Variants in EIF4EBP1 observed in about 807,000 individuals in gnomAD.
EIF4EBP1 encodes eukaryotic translation initiation factor 4E binding protein 1, also known as eukaryotic translation initiation factor 4E-binding protein 1.
EIF4EBP1 carries 5 observed loss-of-function variants against 9.2 expected under a neutral mutation model. The ratio of observed to expected loss-of-function variants is 0.54; its 90% CI spans 0.28 to 1.14. The LOEUF (loss-of-function observed/expected upper bound fraction) is 1.14. Ranked by LOEUF, EIF4EBP1 falls within the 50% of genes most tolerant of loss-of-function variation. The pLI is 0.09. For missense variants in EIF4EBP1, 139 were observed against 169.6 expected, an observed-to-expected ratio of 0.82 and a Z score of 1.00; for synonymous variants, 62 against 67.0, an observed-to-expected ratio of 0.93 and a Z score of 0.36.
chr8:38,054,329 T>C (rs1003879210), intron 1 of EIF4EBP1, among the ~76,000 whole-genome samples: 3 of 152,196 alleles, frequency 2.0e-5, no homozygotes, highest in African/African-American at 7.2e-5. Context: ...CACATGCCTG[T>C]TGTCCCAGCT....
intron 2 of EIF4EBP1, 78 bp from the exon 3 acceptor site, chr8:38,059,826 T>C (rs1809647525): frequency 7.6e-7 from 1 of 1,308,354 alleles, no homozygotes; most frequent in Non-Finnish European, 1.1e-6. Flanking sequence ...GGTATTTCTT[T>C]ATAGCAATGA....
At chr8:38,058,272 T>C (rs1273641064) in intron 2 of EIF4EBP1, among the ~76,000 whole-genome samples, 1 of 152,210 alleles carries the variant, frequency 6.6e-6, no homozygotes, top group East Asian at 1.9e-4. Context: ...GGTGCCCGCA[T>C]CTGCTGGGCT....
intron 2 of EIF4EBP1, 142 bp from the exon 3 acceptor site, chr8:38,059,762 A>C (rs940803776): frequency 1.8e-5 from 15 of 849,334 alleles, no homozygotes; most frequent in Admixed American, 2.6e-5. Flanking sequence ...TCTCAAAAAA[A>C]AAAAACAAAA....
intron 1 of EIF4EBP1, among the ~76,000 whole-genome samples, chr8:38,038,401 A>G (rs1809332197): frequency 6.7e-6 from 1 of 149,054 alleles, no homozygotes; most frequent in African/African-American, 2.5e-5. Flanking sequence ...CCAGCTACTC[A>G]GGAGGCTGAG....
At position 38,030,582 on chromosome 8, in the gene EIF4EBP1, G is replaced by A. The variant is rs1421064637; in HGVS notation, c.9G>A (p.Gly3=). 9 of 1,515,710 alleles carry A rather than the reference G, an allele frequency of 5.9e-6. No individual in the cohort carries two copies. Among genetic ancestry groups the A allele is most frequent in the Non-Finnish European group, 7.9e-6 (9 of 1,138,434 alleles). 93.9% of individuals were successfully genotyped at this position (1,515,710 alleles called of 1,614,324 possible). A position where few individuals can be genotyped will look rare whatever the true frequency, so the allele number is the denominator to read the frequency against. The change falls in exon 1 of 3, where the codon GGG becomes GGA. Residue 3 remains glycine, a synonymous_variant. Coordinates refer to ENST00000338825, the MANE Select transcript of EIF4EBP1 (RefSeq NM_004095.4). The stretch of plus-strand genomic sequence containing the variant: ...GCAGCGCACAGGAGACCATGTCCGG[G>A]GGCAGCAGCTGCAGCCAGACCCCAA... MS[G]GSSCSQTPSR...
At chr8:38,038,248 C>G (rs1267980310) in intron 1 of EIF4EBP1, among the ~76,000 whole-genome samples, 1 of 151,734 alleles carries the variant, frequency 6.6e-6, no homozygotes, top group Non-Finnish European at 1.5e-5. Context: ...GTGGCTCATG[C>G]CTGTAATCCC....
At chr8:38,050,374 G>T (rs1181536615) in intron 1 of EIF4EBP1, among the ~76,000 whole-genome samples, 2 of 151,896 alleles carry the variant, frequency 1.3e-5, no homozygotes, top group Admixed American at 6.6e-5. Context: ...TTTGACACAG[G>T]GTTTCACTCT....
In EIF4EBP1 at chr8:38,057,258, G is replaced by A; in HGVS notation, c.323G>A (p.Gly108Asp). 6.2e-7 allele frequency: 1 copy of A among 1,606,532 alleles called. No homozygotes were observed. The highest frequency in any genetic ancestry group is 8.5e-7 in the Non-Finnish European group (1 of 1,175,418). Reference protein sequence around the residue: ...LRNSPEDKRAGGEESQFEMDI With the variant: ...LRNSPEDKRADGEESQFEMDI ...AATAGCCCAGAAGATAAGCGGGCGGGCGGTGAGTGTCGGGGCTTGGCCAGG... is the reference window on the plus strand; with the variant it reads ...AATAGCCCAGAAGATAAGCGGGCGGACGGTGAGTGTCGGGGCTTGGCCAGG... The change falls in exon 2 of 3, where the codon GGC becomes GAC. Residue 108 changes from glycine (G) to aspartate (D), a missense_variant and splice_region_variant. Physicochemically the swap from Gly to Asp is moderately conservative, Grantham distance 94. Transcript: ENST00000338825.
intron 1 of EIF4EBP1, among the ~76,000 whole-genome samples, chr8:38,041,242 C>CAGGCA (rs989127352): frequency 2.6e-5 from 4 of 152,182 alleles, no homozygotes; most frequent in African/African-American, 9.7e-5. Context: ...GCTGGGATTA[C>CAGGCA]AGGCACCTGC....
chr8:38,055,425 G>C (rs1809582393), intron 1 of EIF4EBP1, among the ~76,000 whole-genome samples: 2 of 152,218 alleles, frequency 1.3e-5, no homozygotes, highest in South Asian at 4.1e-4. Context: ...AGATTTCAAG[G>C]TTATTGCTAA....
At chr8:38,047,308 G>A (rs937476246) in intron 1 of EIF4EBP1, 1 of 152,150 alleles carries the variant, frequency 6.6e-6, no homozygotes, top group African/African-American at 2.4e-5. Flanking sequence ...CTAGTACAAA[G>A]TAGAGGTTCA....
chr8:38,045,722 ATAAT>A (rs1314036401), intron 1 of EIF4EBP1, among the ~76,000 whole-genome samples: 1 of 152,032 alleles, frequency 6.6e-6, no homozygotes, highest in Non-Finnish European at 1.5e-5. Context: ...AATAATAATG[ATAAT>A]TAATTAATAG....
At chr8:38,041,047 G>A (rs954955143) in intron 1 of EIF4EBP1, among the ~76,000 whole-genome samples, 1 of 152,108 alleles carries the variant, frequency 6.6e-6, no homozygotes, top group South Asian at 2.1e-4. Context: ...TGATCCGCCC[G>A]CCTCGGCCTC....
At chr8:38,046,325 C>A (rs1475490107) in intron 1 of EIF4EBP1, among the ~76,000 whole-genome samples, 1 of 151,766 alleles carries the variant, frequency 6.6e-6, no homozygotes, top group African/African-American at 2.4e-5. Context: ...ACAAAGCATG[C>A]CTTGAAAAAA....
At chr8:38,044,351 T>C (rs1220726108) in intron 1 of EIF4EBP1, among the ~76,000 whole-genome samples, 2 of 152,146 alleles carry the variant, frequency 1.3e-5, no homozygotes, top group African/African-American at 4.8e-5. Flanking sequence ...GAACATCCTG[T>C]TCTGACAAGC....
At chr8:38,032,093 G>A (rs1410126284) in intron 1 of EIF4EBP1, among the ~76,000 whole-genome samples, 1 of 152,226 alleles carries the variant, frequency 6.6e-6, no homozygotes, top group Admixed American at 6.5e-5. Flanking sequence ...TTTCAAATGA[G>A]GGTGTAAGTG....
intron 1 of EIF4EBP1, among the ~76,000 whole-genome samples, chr8:38,053,242 T>C (rs1425141467): frequency 6.6e-6 from 1 of 151,394 alleles, no homozygotes; most frequent in Non-Finnish European, 1.5e-5. Flanking sequence ...GGTCTTGAAC[T>C]CCTGACCTCA....
intron 1 of EIF4EBP1, among the ~76,000 whole-genome samples, chr8:38,041,324 A>T (rs1166430715): frequency 6.6e-6 from 1 of 152,072 alleles, no homozygotes; most frequent in African/African-American, 2.4e-5. Context: ...GCTGGTCTCG[A>T]ACTTCTAACC....
Position 38,035,668 on chromosome 8 carries a change from C to T in EIF4EBP1, c.145+4950C>T, listed in dbSNP as rs938605712. ...AATCCCGGGTAGCTGGGATGACAGG[C>T]ACGCACCACCATGCCCAGCTAATTA... On this transcript the variant is annotated intron_variant, in intron 1 of 2. Transcript: ENST00000338825. Among the ~76,000 whole-genome samples, 97 of 151,794 alleles carry T rather than the reference C, an allele frequency of 6.4e-4. 1 individual carries two copies. The highest frequency in any genetic ancestry group is 2.2e-3 in the African/African-American group (90 of 41,404).
Sources: allele counts gnomAD v4.1 joint callset (sites outside exome capture counted in the v4.1 genomes callset), GRCh38; gene constraint gnomAD v4.1.1; transcripts MANE v1.5; gene names NCBI Gene and HGNC (gene_info 2026-07-23, HGNC 2026-07-21).